LOC131768270: variants seen among roughly 807,000 people sequenced by gnomAD.
chr5:140,566,932 A>C, the LOC131768270 span: 1 of 683,772 alleles, frequency 1.5e-6, no homozygotes, highest in Non-Finnish European at 2.6e-6. Context: ...TGCACCCTGG[A>C]TTCCTTCTTC....
chr5:140,566,819 T>G, the LOC131768270 span: 11 of 602,496 alleles, frequency 1.8e-5, no homozygotes, highest in Admixed American at 2.9e-4. Flanking sequence ...TGGAGACACT[T>G]TATCTGGATT....
the LOC131768270 span, chr5:140,568,135 C>T: frequency 3.1e-6 from 5 of 1,613,638 alleles, no homozygotes; most frequent in Non-Finnish European, 4.2e-6. Flanking sequence ...TGTACTATGG[C>T]AGCCGCTAGT....
the LOC131768270 span, chr5:140,567,739 G>C: frequency 1.9e-6 from 3 of 1,614,132 alleles, no homozygotes; most frequent in Non-Finnish European, 2.5e-6. Context: ...TAGGCCTGCT[G>C]CTCCTCATTC....
At chr5:140,565,181 C>G in the LOC131768270 span, 1 of 333,520 alleles carries the variant, frequency 3.0e-6, no homozygotes, top group Non-Finnish European at 5.4e-6. Context: ...CCCAGTGACA[C>G]GATGTTTCCA....
the LOC131768270 span, chr5:140,567,178 A>G: frequency 1.9e-6 from 3 of 1,614,204 alleles, no homozygotes; most frequent in Non-Finnish European, 2.5e-6. Context: ...GTATGAGTGT[A>G]GAGGATGGGG....
the LOC131768270 span, chr5:140,565,696 T>G: frequency 1.3e-5 from 5 of 380,238 alleles, no homozygotes; most frequent in East Asian, 3.8e-5. Context: ...CTGGCCCTCA[T>G]TTGAATTCTG....
the LOC131768270 span, chr5:140,568,017 T>C: frequency 2.5e-6 from 4 of 1,614,064 alleles, 1 homozygote; most frequent in Middle Eastern, 5.0e-4. Flanking sequence ...CTCTTTGTGG[T>C]GTCCTGCTCG....
the LOC131768270 span, chr5:140,568,139 C>T: frequency 1.2e-4 from 200 of 1,613,776 alleles, 1 homozygote; most frequent in East Asian, 2.7e-4. Context: ...CTATGGCAGC[C>T]GCTAGTCCCT....
At chr5:140,568,230 A>T in the LOC131768270 span, 32 of 1,594,790 alleles carry the variant, frequency 2.0e-5, no homozygotes, top group Non-Finnish European at 2.7e-5. Flanking sequence ...TCCCTCTCCC[A>T]TCAGCAGCCC....
chr5:140,568,161 C>T, the LOC131768270 span: 1 of 1,613,730 alleles, frequency 6.2e-7, no homozygotes. Context: ...ACAACTTCCA[C>T]CCTGATTCCG....
the LOC131768270 span, chr5:140,567,780 T>C: frequency 1.2e-6 from 2 of 1,613,998 alleles, no homozygotes; most frequent in South Asian, 1.1e-5. Context: ...TTGTCGTCAG[T>C]GTACACAGAG....
chr5:140,567,717 A>G, the LOC131768270 span: 2 of 1,614,118 alleles, frequency 1.2e-6, no homozygotes, highest in Non-Finnish European at 1.7e-6. Flanking sequence ...ATGCCCCTGC[A>G]TATCACTCCG....
the LOC131768270 span, chr5:140,567,059 C>A: frequency 6.5e-7 from 1 of 1,537,860 alleles, no homozygotes; most frequent in Non-Finnish European, 8.9e-7. Context: ...AGTATTCTCT[C>A]TGGCAATGTT....
the LOC131768270 span, chr5:140,566,866 T>G: frequency 4.9e-6 from 3 of 609,098 alleles, no homozygotes; most frequent in Non-Finnish European, 8.8e-6. Flanking sequence ...CCAACTTTCC[T>G]GCCACCTTCA....
At chr5:140,567,894 G>C in the LOC131768270 span, 9 of 1,614,198 alleles carry the variant, frequency 5.6e-6, no homozygotes, top group Non-Finnish European at 5.9e-6. Flanking sequence ...GGCGGCTCTG[G>C]CCCAGGCCTC....
At chr5:140,566,294 A>G in the LOC131768270 span, among the ~76,000 whole-genome samples, 1 of 152,134 alleles carries the variant, frequency 6.6e-6, no homozygotes. Flanking sequence ...ATGAGGCTGG[A>G]GAAACCGGCA....
chr5:140,565,071 C>T, the LOC131768270 span: 2 of 396,990 alleles, frequency 5.0e-6, no homozygotes, highest in Non-Finnish European at 8.9e-6. Flanking sequence ...GATGTCCCCT[C>T]CTGGGAACCA....
At chr5:140,567,691 A>G in the LOC131768270 span, 1 of 1,614,076 alleles carries the variant, frequency 6.2e-7, no homozygotes, top group South Asian at 1.1e-5. Flanking sequence ...CCCCTCCAGC[A>G]GCTGCTGCCA....
chr5:140,566,903 G>A, the LOC131768270 span: 1 of 634,758 alleles, frequency 1.6e-6, no homozygotes, highest in Non-Finnish European at 2.8e-6. Context: ...TGCAGATTGT[G>A]GACAGTAGTT....
Sources: allele counts gnomAD v4.1 joint callset (sites outside exome capture counted in the v4.1 genomes callset), GRCh38; gene constraint gnomAD v4.1.1; transcripts MANE v1.5.